DNER: variants seen among roughly 807,000 people sequenced by gnomAD.
DNER encodes delta/notch like EGF repeat containing.
A neutral mutation model predicts 78.2 loss-of-function variants in DNER; 33 were observed. That is an observed-to-expected ratio of 0.42 (90% CI 0.32 to 0.56). The LOEUF is 0.56. Among genes scored for constraint, DNER ranks in the 20% least tolerant of loss-of-function variants. DNER has a pLI of 0.11. For synonymous variants in DNER, 417 were observed against 384.8 expected (o/e 1.08, Z -0.98); for missense variants, 918 against 975.3 (o/e 0.94, Z 0.78).
chr2:229,530,710 C>T (rs777543550), intron 5 of DNER, among the ~76,000 whole-genome samples: 28 of 152,202 alleles, frequency 1.8e-4, no homozygotes, highest in Non-Finnish European at 3.7e-4. Flanking sequence ...CCTATTTAAC[C>T]ACAGAAATAT....
At chr2:229,634,924 C>T (rs1698502337) in intron 1 of DNER, among the ~76,000 whole-genome samples, 1 of 152,232 alleles carries the variant, frequency 6.6e-6, no homozygotes, top group Non-Finnish European at 1.5e-5. Context: ...TCCGCGAGGT[C>T]TTTTCCTTAA....
chr2:229,615,724 A>G (rs2154215324), intron 1 of DNER, among the ~76,000 whole-genome samples: 1 of 152,292 alleles, frequency 6.6e-6, no homozygotes, highest in African/African-American at 2.4e-5. Context: ...ACAAAAAAAA[A>G]GAACTGTTTT....
intron 8 of DNER, among the ~76,000 whole-genome samples, chr2:229,418,718 G>A (rs372681443): frequency 7.9e-5 from 12 of 152,008 alleles, no homozygotes; most frequent in African/African-American, 1.2e-4. Flanking sequence ...TCAGGAGTTC[G>A]AGACCAGCCT....
chr2:229,374,798 A>G (rs927061713), intron 11 of DNER, among the ~76,000 whole-genome samples: 1 of 152,188 alleles, frequency 6.6e-6, no homozygotes, highest in Non-Finnish European at 1.5e-5. Flanking sequence ...TTAAAAAAAA[A>G]AATTTAGAGA....
intron 10 of DNER, among the ~76,000 whole-genome samples, chr2:229,394,313 G>A (rs994505221): frequency 9.2e-5 from 14 of 151,762 alleles, no homozygotes; most frequent in South Asian, 2.1e-4. Flanking sequence ...CCTTGGGTCC[G>A]AAGGGTAATG....
intron 5 of DNER, among the ~76,000 whole-genome samples, chr2:229,536,011 A>G (rs1428020285): frequency 6.6e-6 from 1 of 152,192 alleles, no homozygotes; most frequent in Non-Finnish European, 1.5e-5. Flanking sequence ...AGACAAACTA[A>G]AGGTCTAATC....
In DNER at chr2:229,585,941, C is replaced by T; in HGVS notation, c.764G>A (p.Gly255Glu). Residue 255 changes from glycine (G) to glutamate (E), a missense_variant, in exon 4 of 13, where the codon GGA becomes GAA. By Grantham distance (98) the Gly-to-Glu change is moderately conservative. Coordinates refer to ENST00000341772, the MANE Select transcript of DNER (RefSeq NM_139072.4). ...AGCCTGAAGGGGGGTCACACTTCGTCCATCTATGAGGGAGCACTGTTGGAA... is the reference window on the plus strand; with the variant it reads ...AGCCTGAAGGGGGGTCACACTTCGTTCATCTATGAGGGAGCACTGTTGGAA... ...TGFQQCSLID[G>E]RSVTPLQASG... The T allele has an allele frequency of 5.6e-6, 9 of 1,614,124 alleles. No homozygotes were observed. Among genetic ancestry groups the T allele is most frequent in the Non-Finnish European group, 7.6e-6 (9 of 1,180,018 alleles).
In DNER at chr2:229,585,847, T is replaced by G; in HGVS notation, c.847+11A>C. 6.2e-7 allele frequency: 1 copy of G among 1,613,684 alleles called. No homozygotes were observed. Among genetic ancestry groups the G allele is most frequent in the Non-Finnish European group, 8.5e-7 (1 of 1,179,820 alleles). The stretch of plus-strand genomic sequence containing the variant: ...AGATGCAGTGTTGAGTAGAAGATTT[T>G]GGTAACTCACCAATAAAGTGATTAT... On this transcript the variant is annotated intron_variant, in intron 4 of 12. Coordinates refer to ENST00000341772, the MANE Select transcript of DNER (RefSeq NM_139072.4).
Position 229,411,595 on chromosome 2 carries a change from C to T in DNER, c.1610-4250G>A, listed in dbSNP as rs1693522245. 3.3e-5 allele frequency among the ~76,000 whole-genome samples: 5 copies of T among 151,994 alleles called. No individual in the cohort carries two copies. The South Asian group carries it at 8.3e-4, about 25-fold the overall frequency. On this transcript the variant is annotated intron_variant, in intron 9 of 12. Coordinates refer to ENST00000341772, the MANE Select transcript of DNER (RefSeq NM_139072.4). ...GGTACAATGTACAATGTAATTAAATCTATAATCCAGTGATCTCATTTCTGA... is the reference window on the plus strand; with the variant it reads ...GGTACAATGTACAATGTAATTAAATTTATAATCCAGTGATCTCATTTCTGA...
intron 1 of DNER, chr2:229,606,189 G>A (rs547123122): frequency 6.6e-6 from 1 of 152,274 alleles, no homozygotes; most frequent in South Asian, 2.1e-4. Context: ...CTACAGAGCT[G>A]GAAATAAGAC....
intron 8 of DNER, among the ~76,000 whole-genome samples, chr2:229,430,449 T>G (rs1693978932): frequency 3.3e-5 from 5 of 152,076 alleles, no homozygotes; most frequent in Admixed American, 2.0e-4. Context: ...TTAATCTGAG[T>G]GGGCACCAGC....
At chr2:229,629,787 C>G (rs1390092702) in intron 1 of DNER, among the ~76,000 whole-genome samples, 1 of 152,192 alleles carries the variant, frequency 6.6e-6, no homozygotes, top group African/African-American at 2.4e-5. Flanking sequence ...ATATTTGTCC[C>G]TCTGTGACCG....
chr2:229,563,118 T>A (rs1696995502), intron 4 of DNER, among the ~76,000 whole-genome samples: 1 of 138,064 alleles, frequency 7.2e-6, no homozygotes, highest in South Asian at 2.6e-4. Flanking sequence ...ACCATCATCA[T>A]CCTCCTCCTC....
chr2:229,571,770 T>C (rs915693944), intron 4 of DNER, among the ~76,000 whole-genome samples: 11 of 152,282 alleles, frequency 7.2e-5, no homozygotes, highest in African/African-American at 2.6e-4. Flanking sequence ...CACTCTTGAT[T>C]CTGCCACCTT....
chr2:229,564,171 T>C (rs1472510603), intron 4 of DNER, among the ~76,000 whole-genome samples: 31 of 136,908 alleles, frequency 2.3e-4, no homozygotes, highest in African/African-American at 8.4e-4. Context: ...CATCACCCCA[T>C]CAACATCATC....
intron 3 of DNER, 117 bp downstream of exon 3, chr2:229,588,277 A>G: frequency 1.2e-6 from 1 of 851,820 alleles, no homozygotes; most frequent in Non-Finnish European, 1.9e-6. Context: ...TACCCGTGGA[A>G]TCTGTTCACG....
intron 8 of DNER, among the ~76,000 whole-genome samples, chr2:229,425,699 C>A (rs1247993719): frequency 6.6e-6 from 1 of 152,192 alleles, no homozygotes; most frequent in African/African-American, 2.4e-5. Flanking sequence ...TCATCACACT[C>A]AAAAATATCC....
chr2:229,713,816 T>C (rs1204247778), intron 1 of DNER, among the ~76,000 whole-genome samples: 5 of 151,788 alleles, frequency 3.3e-5, no homozygotes, highest in African/African-American at 9.7e-5. Flanking sequence ...CGGGCACCGC[T>C]CAAGTGGTTC....
intron 1 of DNER, among the ~76,000 whole-genome samples, chr2:229,700,687 G>A (rs1699731703): frequency 6.6e-6 from 1 of 151,842 alleles, no homozygotes; most frequent in Admixed American, 6.6e-5. Context: ...GGCCGAGGTG[G>A]GCAGATCATG....
Sources: allele counts gnomAD v4.1 joint callset (sites outside exome capture counted in the v4.1 genomes callset), GRCh38; gene constraint gnomAD v4.1.1; transcripts MANE v1.5; gene names NCBI Gene and HGNC (gene_info 2026-07-23, HGNC 2026-07-21).